The following TRPV2 variants were observed in gnomAD, a reference collection of about 807,000 sequenced individuals.
TRPV2 encodes OTRPC2.
In TRPV2, 58 loss-of-function variants were observed where a neutral mutation model predicts 91.0. That is an observed-to-expected ratio of 0.64 (90% CI 0.52 to 0.79). The LOEUF (loss-of-function observed/expected upper bound fraction) is 0.79. TRPV2 is among the 30% of genes least tolerant of loss of function. TRPV2 has a pLI of 0.00. For missense variants in TRPV2, 807 were observed against 969.6 expected (o/e 0.83, Z 2.23); for synonymous variants, 417 against 414.8 (o/e 1.01, Z -0.06).
chr17:16,416,622 C>G (rs569822039), intron 1 of TRPV2: 1 of 152,494 alleles, frequency 6.6e-6, no homozygotes, highest in East Asian at 1.9e-4. Context: ...CTGAGGCACA[C>G]AAAGGTAGTA....
rs2093337134 is a variant in TRPV2 at position 16,417,630 on chromosome 17, A to G, written c.-39A>G. On this transcript the variant is annotated 5_prime_UTR_variant, in exon 2 of 15. Transcript: ENST00000338560. Reference sequence around the variant, plus strand: ...GGACCCTTGACATCTCCATCTGCACAGAGGTCCTGGCTGGACCGAGCAGCC... The same window carrying G: ...GGACCCTTGACATCTCCATCTGCACGGAGGTCCTGGCTGGACCGAGCAGCC... 6.2e-7 allele frequency: 1 copy of G among 1,607,378 alleles called. No individual in the cohort carries two copies.
rs2093337706 is a variant in TRPV2, at chr17:16,417,702, T to C, written c.34T>C (p.Leu12=). Residue 12 remains leucine, a synonymous_variant, in exon 2 of 15, where the codon TTG becomes CTG. Coordinates refer to ENST00000338560, the MANE Select transcript of TRPV2 (RefSeq NM_016113.5). ...TSPSSSPVFR[L]ETLDGGQEDG... is the part of the protein sequence containing the mutation. The stretch of plus-strand genomic sequence containing the variant: ...ACCCTCCAGCTCTCCAGTTTTCAGG[T>C]TGGAGACATTAGATGGAGGCCAAGA... 1 of 1,613,972 alleles carries C rather than the reference T, an allele frequency of 6.2e-7. No homozygotes were observed. The highest frequency in any genetic ancestry group is 1.3e-5 in the African/African-American group (1 of 74,890).
chr17:16,426,339 G>C lies in TRPV2; in HGVS notation c.1095+70G>C. The stretch of plus-strand genomic sequence containing the variant: ...TTTCCAGCAAGGTCCACAAATTGGG[G>C]CTGCCTGCTGGACCATATCTGCCCC... On this transcript the variant is annotated intron_variant, in intron 6 of 14. Coordinates refer to ENST00000338560, the MANE Select transcript of TRPV2 (RefSeq NM_016113.5). This position sits in a 1 kb window ranked among gnomAD's most constrained non-coding sequence, Gnocchi z 6.0. The C allele has an allele frequency of 6.4e-7, 1 of 1,563,702 alleles. No individual in the cohort carries two copies. The highest frequency in any genetic ancestry group is 1.8e-5 in the Admixed American group (1 of 56,096).
At chr17:16,427,013 G>A (rs2093386656) in intron 7 of TRPV2, 136 bp downstream of exon 7, 8 of 987,854 alleles carry the variant, frequency 8.1e-6, no homozygotes, top group Non-Finnish European at 1.2e-5. Context: ...AGCCAGCACT[G>A]CAGTACTAAC....
chr17:16,421,353 A>G (rs940885125), intron 3 of TRPV2, among the ~76,000 whole-genome samples: 4 of 151,546 alleles, frequency 2.6e-5, no homozygotes, highest in African/African-American at 9.7e-5. Flanking sequence ...AGCAGCTGGG[A>G]TTACAGGCAC....
rs2093435684 is a variant in TRPV2 at position 16,436,805 on chromosome 17, T to C, written c.2211T>C (p.Pro737=). ...GAGVPRTLEN[P]VLASPPKEDE... ...TGTTTACAGGAACTCTCGAGAACCC[T>C]GTCCTGGCTTCCCCTCCCAAGGAGG... Residue 737 remains proline (P), a synonymous_variant, in exon 15 of 15, where the codon CCT becomes CCC. Coordinates refer to ENST00000338560, the MANE Select transcript of TRPV2 (RefSeq NM_016113.5). The C allele has an allele frequency of 1.2e-6, 2 of 1,613,890 alleles. No homozygotes were observed. The highest frequency in any genetic ancestry group is 2.7e-5 in the African/African-American group (2 of 74,906).
chr17:16,424,626 G>A lies in TRPV2; in HGVS notation c.924+859G>A, dbSNP rs145129187. On this transcript the variant is annotated intron_variant, in intron 5 of 14. Transcript: ENST00000338560. ...TTGGGAATTTTTAAAAGTCGTTTGT[G>A]TTTCTTTATTAAGAGATAGCCTTTT... Among the ~76,000 whole-genome samples, 434 of 152,214 alleles carry A rather than the reference G, an allele frequency of 2.9e-3. 2 individuals carry two copies. The highest frequency in any genetic ancestry group is 9.9e-3 in the African/African-American group (412 of 41,536).
At chr17:16,431,257 ATATAT>A (rs2142997754) in intron 10 of TRPV2, among the ~76,000 whole-genome samples, 1 of 15,908 alleles carries the variant, frequency 6.3e-5, no homozygotes, top group South Asian at 2.4e-3. Flanking sequence ...GATCTGAGAC[ATATAT>A]ATATATATAT....
intron 10 of TRPV2, among the ~76,000 whole-genome samples, chr17:16,429,364 C>T (rs1285088464): frequency 6.6e-6 from 1 of 152,198 alleles, no homozygotes; most frequent in African/African-American, 2.4e-5. Flanking sequence ...TGGGCCGGGC[C>T]CTGTTCTAGG....
chr17:16,431,037 GTTT>G (rs762155859), intron 10 of TRPV2, among the ~76,000 whole-genome samples: 1 of 139,670 alleles, frequency 7.2e-6, no homozygotes, highest in African/African-American at 2.6e-5. Context: ...ACCCTGGAAG[GTTT>G]TTTTTTTTTG....
intron 2 of TRPV2, chr17:16,419,398 G>A (rs1443224566): frequency 1.9e-5 from 9 of 470,834 alleles, no homozygotes; most frequent in African/African-American, 1.2e-4. Flanking sequence ...TGGGCCCAGC[G>A]TTGGGCCCAG....
In TRPV2 at chr17:16,426,948, G is replaced by A; in HGVS notation, c.1251+71G>A. 1 of 1,539,778 alleles carries A rather than the reference G, an allele frequency of 6.5e-7. No individual in the cohort carries two copies. Among genetic ancestry groups the A allele is most frequent in the Admixed American group, 1.8e-5 (1 of 56,032 alleles). Reference sequence around the variant, plus strand: ...TTGAAACAACCCTGGGGGAAGATGGGGCAGTAATAGTGCTGAGGCATGGGC... The same window carrying A: ...TTGAAACAACCCTGGGGGAAGATGGAGCAGTAATAGTGCTGAGGCATGGGC... On this transcript the variant is annotated intron_variant, in intron 7 of 14. Transcript: ENST00000338560. The surrounding 1 kb of genome is among the most constrained non-coding windows in gnomAD (Gnocchi z 6.0).
At position 16,423,786 on chromosome 17, in the gene TRPV2, C is replaced by G; in HGVS notation, c.924+19C>G. 1 of 1,535,940 alleles carries G rather than the reference C, an allele frequency of 6.5e-7. No individual in the cohort carries two copies. Among genetic ancestry groups the G allele is most frequent in the Non-Finnish European group, 8.8e-7 (1 of 1,139,268 alleles). On this transcript the variant is annotated intron_variant, in intron 5 of 14. Transcript: ENST00000338560. ...GATCGAGGTGAGCGGCTGTCCCCTT[C>G]CCACTTCCCCTCTCCAGGAAGCAGT...
intron 5 of TRPV2, among the ~76,000 whole-genome samples, chr17:16,425,029 T>TTTC (rs1369320715): frequency 1.4e-4 from 21 of 145,472 alleles, no homozygotes; most frequent in Admixed American, 1.4e-3. Flanking sequence ...TGCATTTTTT[T>TTTC]TTTTTTTTTT....
chr17:16,418,966 G>C (rs952629868), intron 2 of TRPV2, among the ~76,000 whole-genome samples: 5 of 151,964 alleles, frequency 3.3e-5, no homozygotes, highest in African/African-American at 1.2e-4. Context: ...AGGAGGCAGA[G>C]GTTGCAGTGA....
chr17:16,434,970 G>A lies in TRPV2; in HGVS notation c.2194+1G>A, dbSNP rs1250685054. 4.4e-6 allele frequency: 7 copies of A among 1,608,600 alleles called. No homozygotes were observed. The highest frequency in any genetic ancestry group is 5.9e-6 in the Non-Finnish European group (7 of 1,177,578). On this transcript the variant is annotated splice_donor_variant, in intron 14 of 14. Transcript: ENST00000338560. LOFTEE classifies it high-confidence loss of function. ...GACCCGTCAGGGGCAGGTGTCCCTCGTGAGTAGCCTGGTGACTAGAGCCTC... is the reference window on the plus strand; with the variant it reads ...GACCCGTCAGGGGCAGGTGTCCCTCATGAGTAGCCTGGTGACTAGAGCCTC...
At chr17:16,429,352 T>C (rs1475498827) in intron 10 of TRPV2, among the ~76,000 whole-genome samples, 3 of 152,236 alleles carry the variant, frequency 2.0e-5, no homozygotes, top group Non-Finnish European at 4.4e-5. Flanking sequence ...GAGTGCCTAC[T>C]GTGGGCCGGG....
At position 16,429,054 on chromosome 17, in the gene TRPV2, T is replaced by A. The variant is rs961114885; in HGVS notation, c.1587+72T>A. 12 of 1,534,116 alleles carry A rather than the reference T, an allele frequency of 7.8e-6. No homozygotes were observed. In the Admixed American group the frequency reaches 2.0e-4, roughly 25 times the overall value. On this transcript the variant is annotated intron_variant, in intron 10 of 14. Transcript: ENST00000338560. ...CAAGAAGAGCCTTCCTCCACAGCTA[T>A]CCTAGGCAGAGGAGGGCATGTGTAC... is the stretch of plus-strand genomic sequence containing the variant.
Position 16,420,211 on chromosome 17 carries a change from C to T in TRPV2, c.297C>T (p.Ser99=), listed in dbSNP as rs775841470. The T allele has an allele frequency of 1.2e-6, 2 of 1,614,134 alleles. No homozygotes were observed. The highest frequency in any genetic ancestry group is 2.7e-5 in the African/African-American group (2 of 75,076). The part of the protein sequence containing the change: ...EDLAGLPEYL[S]KTSKYLTDSE... The stretch of plus-strand genomic sequence containing the variant: ...TGGCTGGACTTCCAGAGTACCTGAG[C>T]AAGACCAGCAAGTACCTCACCGACT... The change falls in exon 3 of 15, where the codon AGC becomes AGT. Residue 99 remains serine, a synonymous_variant. Coordinates refer to ENST00000338560, the MANE Select transcript of TRPV2 (RefSeq NM_016113.5).
Sources: gnomAD v4.1 joint callset for allele counts (sites outside exome capture counted in the v4.1 genomes callset) on GRCh38, gnomAD v4.1.1 for gene constraint, Gnocchi (gnomAD v3.1) non-coding constraint, MANE v1.5 for transcripts, NCBI Gene and HGNC (gene_info 2026-07-23, HGNC 2026-07-21) for gene names.